Variants in VAV3 observed in about 807,000 individuals in gnomAD.
The protein encoded by VAV3 is guanine nucleotide exchange factor VAV3.
In VAV3, 94 loss-of-function variants were observed where a neutral mutation model predicts 131.2. The ratio of observed to expected loss-of-function variants is 0.72; its 90% CI spans 0.61 to 0.85. VAV3 has a LOEUF of 0.85. Among genes scored for constraint, VAV3 ranks in the 40% least tolerant of loss-of-function variants. The pLI, the probability that VAV3 is intolerant of heterozygous loss-of-function variation, is 0.00. For missense variants in VAV3, 939 were observed against 1,002.7 expected (o/e 0.94, Z 0.86); for synonymous variants, 349 against 342.0 (o/e 1.02, Z -0.22).
chr1:107,910,071 C>A (rs572355864), intron 1 of VAV3, among the ~76,000 whole-genome samples: 1 of 152,296 alleles, frequency 6.6e-6, no homozygotes, highest in South Asian at 2.1e-4. Flanking sequence ...TTAATCCTCA[C>A]AACAACTCTA....
intron 20 of VAV3, among the ~76,000 whole-genome samples, chr1:107,641,069 G>C (rs1331347158): frequency 6.6e-6 from 1 of 152,122 alleles, no homozygotes; most frequent in Non-Finnish European, 1.5e-5. Flanking sequence ...CTGAAGAGGT[G>C]GTAGAATTCA....
At chr1:107,880,644 A>G (rs1225993566) in intron 1 of VAV3, among the ~76,000 whole-genome samples, 1 of 152,120 alleles carries the variant, frequency 6.6e-6, no homozygotes, top group Non-Finnish European at 1.5e-5. Context: ...AAAAATACAA[A>G]GATTAGCTGG....
intron 20 of VAV3, among the ~76,000 whole-genome samples, chr1:107,620,154 T>C (rs1290881651): frequency 2.0e-5 from 3 of 152,210 alleles, no homozygotes; most frequent in Non-Finnish European, 2.9e-5. Flanking sequence ...TCAGTCATTT[T>C]TGTATAACAA....
chr1:107,802,387 T>G (rs1420133355), intron 2 of VAV3, among the ~76,000 whole-genome samples: 1 of 152,060 alleles, frequency 6.6e-6, no homozygotes, highest in Non-Finnish European at 1.5e-5. Flanking sequence ...CTTCCAGTAT[T>G]ATGTTGAATA....
At chr1:107,910,535 T>C (rs1166052632) in intron 1 of VAV3, among the ~76,000 whole-genome samples, 1 of 152,214 alleles carries the variant, frequency 6.6e-6, no homozygotes, top group African/African-American at 2.4e-5. Flanking sequence ...AGTACAATAA[T>C]TGAAGGTCAC....
intron 2 of VAV3, among the ~76,000 whole-genome samples, chr1:107,800,999 TGA>T (rs776041504): frequency 6.6e-6 from 1 of 152,174 alleles, no homozygotes; most frequent in Non-Finnish European, 1.5e-5. Context: ...TTGTATATGA[TGA>T]GAGATAGGGG....
intron 21 of VAV3, 30 bp from the exon 22 acceptor site, chr1:107,609,995 A>G (rs1442886783): frequency 3.7e-6 from 6 of 1,607,188 alleles, no homozygotes; most frequent in Admixed American, 1.7e-5. Flanking sequence ...AAACAGATTA[A>G]GTTTACATAA....
chr1:107,591,479 G>A (rs1265674342), intron 25 of VAV3, among the ~76,000 whole-genome samples: 1 of 152,140 alleles, frequency 6.6e-6, no homozygotes. Context: ...GAGGTCACAG[G>A]TAAGGAACGG....
At chr1:107,756,357 T>A (rs41486546) in intron 11 of VAV3, among the ~76,000 whole-genome samples, 13,790 of 152,168 alleles carry the variant, frequency 0.091, 935 homozygotes, top group East Asian at 0.27. Flanking sequence ...CCTAACTTTG[T>A]TCTAAATGGA....
chr1:107,631,942 GT>G (rs1167240372), intron 20 of VAV3, among the ~76,000 whole-genome samples: 2 of 151,942 alleles, frequency 1.3e-5, no homozygotes, highest in African/African-American at 4.8e-5. Flanking sequence ...AAACATACGT[GT>G]GCATGTACCT....
At position 107,791,835 on chromosome 1, in the gene VAV3, T is replaced by C. The variant is rs140868663; in HGVS notation, c.322-12343A>G. ...ATTATCAGGCACTAGGTTAAGTGAT[T>C]AGTATTATATAATCTCACAAAACCC... On this transcript the variant is annotated intron_variant, in intron 2 of 26. Transcript: ENST00000370056. Among the ~76,000 whole-genome samples, 190 of 152,312 alleles carry C rather than the reference T, an allele frequency of 1.2e-3. 1 individual carries two copies. Among genetic ancestry groups the C allele is most frequent in the African/African-American group, 4.4e-3 (181 of 41,568 alleles).
chr1:107,954,918 T>C (rs1674734805), intron 1 of VAV3, among the ~76,000 whole-genome samples: 1 of 152,208 alleles, frequency 6.6e-6, no homozygotes, highest in African/African-American at 2.4e-5. Context: ...TAAACCCCTC[T>C]TAGCTTCAGA....
chr1:107,924,354 G>T (rs1673050807), intron 1 of VAV3, among the ~76,000 whole-genome samples: 2 of 150,256 alleles, frequency 1.3e-5, no homozygotes, highest in African/African-American at 2.5e-5. Context: ...AATGATGTCA[G>T]CTTGATAACA....
chr1:107,887,522 A>T (rs545233904), intron 1 of VAV3, among the ~76,000 whole-genome samples: 38 of 152,162 alleles, frequency 2.5e-4, no homozygotes, highest in Non-Finnish European at 5.3e-4. Flanking sequence ...AAATTCCACT[A>T]TTTTGTCCTT....
intron 17 of VAV3, among the ~76,000 whole-genome samples, chr1:107,697,726 T>A (rs946952893): frequency 6.6e-6 from 1 of 152,160 alleles, no homozygotes; most frequent in Non-Finnish European, 1.5e-5. Flanking sequence ...CTTAAGTCCA[T>A]CCGGTCTTGA....
chr1:107,946,620 T>C (rs1468125008), intron 1 of VAV3, among the ~76,000 whole-genome samples: 2 of 152,212 alleles, frequency 1.3e-5, no homozygotes, highest in Non-Finnish European at 2.9e-5. Context: ...TGGACAGTCA[T>C]GCTATCCATA....
chr1:107,724,528 T>C (rs947272941), intron 15 of VAV3, among the ~76,000 whole-genome samples: 1 of 152,070 alleles, frequency 6.6e-6, no homozygotes, highest in Admixed American at 6.6e-5. Flanking sequence ...AGGATGAAGA[T>C]AGAGACATGA....
intron 1 of VAV3, among the ~76,000 whole-genome samples, chr1:107,879,590 G>A (rs545318024): frequency 6.6e-6 from 1 of 151,968 alleles, no homozygotes; most frequent in African/African-American, 2.4e-5. Flanking sequence ...TTTGAGATTA[G>A]AAGTTATCTG....
rs139401468 is a variant in VAV3, at chr1:107,658,262, T to C, written c.1778-15507A>G. On this transcript the variant is annotated intron_variant, in intron 19 of 26. Coordinates refer to ENST00000370056, the MANE Select transcript of VAV3 (RefSeq NM_006113.5). ...TGGTCTCCAGCTTCATCCATGTCCCTACAAAGGACATGAACTCATCATTCC... is the reference window on the plus strand; with the variant it reads ...TGGTCTCCAGCTTCATCCATGTCCCCACAAAGGACATGAACTCATCATTCC... Among the ~76,000 whole-genome samples the C allele has an allele frequency of 3.6e-3, 548 of 152,360 alleles. 5 individuals carry two copies. Among genetic ancestry groups the C allele is most frequent in the African/African-American group, 0.012 (518 of 41,592 alleles).
Sources: gnomAD v4.1 joint callset for allele counts (sites outside exome capture counted in the v4.1 genomes callset) on GRCh38, gnomAD v4.1.1 for gene constraint, MANE v1.5 for transcripts, NCBI Gene and HGNC (gene_info 2026-07-23, HGNC 2026-07-21) for gene names.